The following CSF2RA variants were observed in gnomAD, a reference collection of about 807,000 sequenced individuals.
CSF2RA encodes granulocyte-macrophage colony-stimulating factor receptor subunit alpha.
A neutral mutation model predicts 51.6 loss-of-function variants in CSF2RA; 42 were observed. That is an observed-to-expected ratio of 0.81 (90% CI 0.64 to 1.05). The LOEUF is 1.05. Ranked by LOEUF, CSF2RA falls within the 50% of genes least tolerant of loss-of-function variation. CSF2RA has a pLI of 0.00. For missense variants in CSF2RA, 530 were observed against 501.1 expected (o/e 1.06, Z -0.55); for synonymous variants, 222 against 193.0 (o/e 1.15, Z -1.24).
At chrX:1,299,506 G>C (rs1347653848) in intron 9 of CSF2RA, among the ~76,000 whole-genome samples, 1 of 152,016 alleles carries the variant, frequency 6.6e-6, no homozygotes, top group Non-Finnish European at 1.5e-5. Context: ...CTCACTGCAA[G>C]CTCCACCTCC....
chrX:1,315,159 G>A (rs2084521202), downstream of CSF2RA, among the ~76,000 whole-genome samples: 2 of 152,120 alleles, frequency 1.3e-5, no homozygotes, highest in Admixed American at 1.3e-4. Context: ...TGAGATCAGG[G>A]TTGTGCAGGT....
At chrX:1,286,388 G>T (rs62603280) in intron 4 of CSF2RA, among the ~76,000 whole-genome samples, 31,513 of 151,770 alleles carry the variant, frequency 0.21, 3,359 homozygotes, top group South Asian at 0.28. Flanking sequence ...GACCAACATG[G>T]TGAAACCCCA....
intron 1 of CSF2RA, among the ~76,000 whole-genome samples, chrX:1,272,185 C>T (rs28481898): frequency 0.66 from 99,843 of 151,490 alleles, 33,050 homozygotes; most frequent in Middle Eastern, 0.78. Flanking sequence ...AACACCTGAC[C>T]TCAGGTGATC....
At chrX:1,314,851 C>A (rs1471265450), downstream of CSF2RA, among the ~76,000 whole-genome samples, 16 of 84,400 alleles carry the variant, frequency 1.9e-4, 1 homozygote, top group East Asian at 3.1e-4. Flanking sequence ...CTGCCCAATC[C>A]CACTGCACCT....
chrX:1,270,452 TG>T (rs2088227421), intron 1 of CSF2RA, among the ~76,000 whole-genome samples: 1 of 152,002 alleles, frequency 6.6e-6, no homozygotes, highest in Non-Finnish European at 1.5e-5. Context: ...TTTCCCGGGC[TG>T]GTCTTGAACT....
chrX:1,290,000 G>A (rs1186088755), intron 6 of CSF2RA, among the ~76,000 whole-genome samples: 1 of 70,120 alleles, frequency 1.4e-5, no homozygotes, highest in South Asian at 4.5e-4. Context: ...TTTTTGTTTT[G>A]TGTTTTGTGT....
the CSF2RA span, among the ~76,000 whole-genome samples, chrX:1,319,375 A>G: frequency 7.0e-6 from 1 of 142,212 alleles, no homozygotes; most frequent in Non-Finnish European, 1.5e-5. Context: ...GTAGCCTCAG[A>G]CTCCCCGGCT....
Position 1,295,457 on chromosome X carries a change from G to C in CSF2RA, c.810+1G>C. On this transcript the variant is annotated splice_donor_variant, in intron 9 of 12. Coordinates refer to ENST00000381529, the MANE Select transcript of CSF2RA (RefSeq NM_172245.4). LOFTEE classifies it high-confidence loss of function. ...CCAGCCTGGCACGGAAAACCTACTG[G>C]TAAGTGAAACCACAGACCCTACTGA... The C allele has an allele frequency of 1.2e-6, 2 of 1,613,422 alleles. No individual in the cohort carries two copies. Among genetic ancestry groups the C allele is most frequent in the Non-Finnish European group, 1.7e-6 (2 of 1,179,556 alleles).
chrX:1,306,601 C>T (rs146283730), intron 12 of CSF2RA, among the ~76,000 whole-genome samples: 26 of 151,794 alleles, frequency 1.7e-4, no homozygotes, highest in African/African-American at 5.1e-4. Context: ...GAGCCGAGAT[C>T]GCACCATTGC....
rs139713956 is a variant in CSF2RA, at chrX:1,286,801, G to A, written c.219+881G>A. Among the ~76,000 whole-genome samples the A allele has an allele frequency of 2.2e-3, 338 of 152,240 alleles. 3 individuals are homozygous for A. The highest frequency in any genetic ancestry group is 7.9e-3 in the African/African-American group (329 of 41,546). ...GAAATCCTGGCAAATGCAGTTGGAT[G>A]TGCCCCTGGGTCTGTGGTGGAAGCA... is the stretch of plus-strand genomic sequence containing the variant. On this transcript the variant is annotated intron_variant, in intron 4 of 12. Transcript: ENST00000381529.
At chrX:1,324,013 CA>C in the CSF2RA span, among the ~76,000 whole-genome samples, 61,394 of 141,652 alleles carry the variant, frequency 0.43, 13,639 homozygotes, top group Middle Eastern at 0.55. Flanking sequence ...GACTCCGTCT[CA>C]AAAAAAAAAA....
At chrX:1,319,997 G>A in the CSF2RA span, among the ~76,000 whole-genome samples, 2 of 138,990 alleles carry the variant, frequency 1.4e-5, 1 homozygote, top group Non-Finnish European at 3.3e-5. Flanking sequence ...CTGGGTTCAC[G>A]CCATTCTCTT....
At chrX:1,323,647 G>A in the CSF2RA span, among the ~76,000 whole-genome samples, 1 of 152,070 alleles carries the variant, frequency 6.6e-6, no homozygotes, top group Non-Finnish European at 1.5e-5. Flanking sequence ...ACTTTGGGAG[G>A]CTGAGGCAGC....
intron 2 of CSF2RA, among the ~76,000 whole-genome samples, chrX:1,275,273 C>T (rs1452658359): frequency 4.6e-5 from 7 of 151,782 alleles, no homozygotes; most frequent in African/African-American, 1.5e-4. Context: ...TGCCTCTAGT[C>T]CCAGCTACTC....
chrX:1,302,082 A>C (rs1335725047), intron 10 of CSF2RA, among the ~76,000 whole-genome samples: 1 of 150,616 alleles, frequency 6.6e-6, no homozygotes, highest in Non-Finnish European at 1.5e-5. Flanking sequence ...ACACCCGGCT[A>C]ATTTTGTATT....
chrX:1,322,108 T>TTATTTATTTATG, the CSF2RA span, among the ~76,000 whole-genome samples: 3 of 150,900 alleles, frequency 2.0e-5, no homozygotes, highest in African/African-American at 7.3e-5. Flanking sequence ...TATTATTTAT[T>TTATTTATTTATG]TATTTATTTA....
At chrX:1,269,695 G>C (rs2088118297) in intron 1 of CSF2RA, among the ~76,000 whole-genome samples, 1 of 151,764 alleles carries the variant, frequency 6.6e-6, no homozygotes, top group Admixed American at 6.6e-5. Context: ...GGAGTGTGAT[G>C]GTGTTACTAG....
At chrX:1,305,576 G>C in intron 12 of CSF2RA, 49 bp downstream of exon 12, 1 of 1,613,968 alleles carries the variant, frequency 6.2e-7, no homozygotes. Flanking sequence ...GGTGGGGAGT[G>C]GGGAGCGTGG....
At chrX:1,324,887 C>G in the CSF2RA span, among the ~76,000 whole-genome samples, 4 of 152,052 alleles carry the variant, frequency 2.6e-5, no homozygotes, top group Non-Finnish European at 5.9e-5. Context: ...GTCTGACCTC[C>G]TTGTCAGAGC....
Sources: allele counts gnomAD v4.1 joint callset (sites outside exome capture counted in the v4.1 genomes callset), GRCh38; gene constraint gnomAD v4.1.1; transcripts MANE v1.5; gene names NCBI Gene and HGNC (gene_info 2026-07-23, HGNC 2026-07-21).